The following CCDC171 variants were observed in gnomAD, a reference collection of about 807,000 sequenced individuals.
CCDC171 encodes coiled-coil domain-containing protein 171.
A neutral mutation model predicts 168.2 loss-of-function variants in CCDC171; 177 were observed. The observed-to-expected ratio is 1.05, with a 90% CI of 0.93 to 1.19. The LOEUF is 1.19. CCDC171 is among the 50% of genes most tolerant of loss of function. The pLI, the probability that CCDC171 is intolerant of heterozygous loss-of-function variation, is 0.00. For synonymous variants in CCDC171, 687 were observed against 540.8 expected, an observed-to-expected ratio of 1.27 and a Z score of -3.75; for missense variants, 1,991 against 1,539.0, an observed-to-expected ratio of 1.29 and a Z score of -4.91.
chr9:15,804,711 C>G (rs1203317624), intron 21 of CCDC171, among the ~76,000 whole-genome samples: 1 of 152,036 alleles, frequency 6.6e-6, no homozygotes, highest in Non-Finnish European at 1.5e-5. Context: ...TTGTTTATCT[C>G]TGTCAGTTAT....
chr9:15,683,501 A>C (rs1344880340), intron 10 of CCDC171, among the ~76,000 whole-genome samples: 2 of 152,070 alleles, frequency 1.3e-5, no homozygotes, highest in African/African-American at 4.8e-5. Context: ...TTTCACCAAG[A>C]ATAGGAGTAG....
At chr9:15,609,186 G>A (rs1472248233) in intron 6 of CCDC171, among the ~76,000 whole-genome samples, 2 of 151,140 alleles carry the variant, frequency 1.3e-5, no homozygotes, top group Non-Finnish European at 2.9e-5. Context: ...TGCAACCTCC[G>A]CCTCCCGGGT....
At chr9:15,579,374 A>T (rs905443547) in intron 4 of CCDC171, among the ~76,000 whole-genome samples, 20 of 152,208 alleles carry the variant, frequency 1.3e-4, no homozygotes, top group Non-Finnish European at 2.9e-4. Flanking sequence ...ATATAATATG[A>T]ATCCAAATCT....
chr9:15,963,111 C>T (rs1262736452), intron 25 of CCDC171, among the ~76,000 whole-genome samples: 2 of 151,980 alleles, frequency 1.3e-5, no homozygotes, highest in African/African-American at 4.8e-5. Context: ...TGTTCTCACT[C>T]ATAGGTGGGA....
chr9:15,858,361 A>C (rs1347711881), intron 23 of CCDC171, among the ~76,000 whole-genome samples: 1 of 151,982 alleles, frequency 6.6e-6, no homozygotes, highest in East Asian at 1.9e-4. Context: ...TGAGGCCTCC[A>C]GCTTGGCCCT....
At chr9:15,990,081 C>A (rs1832135737) in intron 3 of CCDC171, among the ~76,000 whole-genome samples, 1 of 152,000 alleles carries the variant, frequency 6.6e-6, no homozygotes, top group Non-Finnish European at 1.5e-5. Flanking sequence ...CAGAGAACAC[C>A]ACAAAGATAC....
chr9:15,753,603 C>T (rs893124285), intron 18 of CCDC171, among the ~76,000 whole-genome samples: 2 of 151,976 alleles, frequency 1.3e-5, no homozygotes, highest in Non-Finnish European at 2.9e-5. Context: ...TAAAGATATG[C>T]ATAGGTAAGA....
rs188689641 is a variant in CCDC171 at position 15,599,939 on chromosome 9, T to C, written c.675+5767T>C. On this transcript the variant is annotated intron_variant, in intron 6 of 25. Coordinates refer to ENST00000380701, the MANE Select transcript of CCDC171 (RefSeq NM_173550.4). ...ATACCCTTTCTTCCAGTTGATCGAA[T>C]CGGCTACTGAAGCTTGTGCATTCGT... Among the ~76,000 whole-genome samples, 7 of 152,346 alleles carry C rather than the reference T, an allele frequency of 4.6e-5. No homozygotes were observed. In the East Asian group the frequency reaches 1.2e-3, roughly 25 times the overall value.
downstream of CCDC171, among the ~76,000 whole-genome samples, chr9:16,062,741 A>G (rs1419814209): frequency 6.6e-6 from 1 of 152,216 alleles, no homozygotes; most frequent in Non-Finnish European, 1.5e-5. Context: ...TGAGAGAGTG[A>G]CATGCACACA....
At chr9:15,720,493 G>A (rs1383867604) in intron 11 of CCDC171, among the ~76,000 whole-genome samples, 1 of 152,086 alleles carries the variant, frequency 6.6e-6, no homozygotes, top group South Asian at 2.1e-4. Context: ...ATAGTAGGAC[G>A]TATAATATGA....
intron 15 of CCDC171, among the ~76,000 whole-genome samples, chr9:15,728,748 A>G (rs192612254): frequency 9.9e-5 from 15 of 152,228 alleles, no homozygotes; most frequent in East Asian, 3.9e-4. Context: ...TCCTGGGTCT[A>G]TTGAACTAGT....
At chr9:15,713,221 C>T (rs560574960) in intron 11 of CCDC171, among the ~76,000 whole-genome samples, 101 of 152,268 alleles carry the variant, frequency 6.6e-4, no homozygotes, top group Non-Finnish European at 1.2e-3. Flanking sequence ...ACTGTTCTCC[C>T]GAGCCAGCCT....
At chr9:15,954,611 T>G (rs1829586543) in intron 25 of CCDC171, among the ~76,000 whole-genome samples, 2 of 152,092 alleles carry the variant, frequency 1.3e-5, no homozygotes, top group African/African-American at 2.4e-5. Flanking sequence ...TCTTCGATCA[T>G]TTTTCTTTCT....
At chr9:15,864,483 C>T (rs1164636969) in intron 23 of CCDC171, among the ~76,000 whole-genome samples, 4 of 152,056 alleles carry the variant, frequency 2.6e-5, no homozygotes, top group African/African-American at 9.6e-5. Flanking sequence ...CACGACAGGC[C>T]CCAGTGTGTG....
chr9:16,089,889 T>C, the CCDC171 span, among the ~76,000 whole-genome samples: 1 of 152,040 alleles, frequency 6.6e-6, no homozygotes, highest in African/African-American at 2.4e-5. Context: ...CCCATGCCAG[T>C]AGGATGGAGA....
chr9:16,083,496 A>C, the CCDC171 span, among the ~76,000 whole-genome samples: 3 of 152,304 alleles, frequency 2.0e-5, no homozygotes, highest in East Asian at 3.9e-4. Flanking sequence ...TTGACATTTA[A>C]ATATATTCCA....
intron 1 of CCDC171, among the ~76,000 whole-genome samples, chr9:15,555,507 G>A (rs2038715661): frequency 6.6e-6 from 1 of 152,072 alleles, no homozygotes; most frequent in African/African-American, 2.4e-5. Context: ...GAGCAGAAAT[G>A]CTTCCCTGAT....
At chr9:16,101,060 G>A in the CCDC171 span, among the ~76,000 whole-genome samples, 1 of 152,354 alleles carries the variant, frequency 6.6e-6, no homozygotes, top group East Asian at 1.9e-4. Context: ...TAGGAGGGAA[G>A]CAGAGAAAGC....
chr9:16,104,741 T>C, the CCDC171 span, among the ~76,000 whole-genome samples: 1 of 151,692 alleles, frequency 6.6e-6, no homozygotes, highest in Non-Finnish European at 1.5e-5. Flanking sequence ...ATTGCTTTTT[T>C]TTTTTCATTC....
Sources: gnomAD v4.1 joint callset for allele counts (sites outside exome capture counted in the v4.1 genomes callset) on GRCh38, gnomAD v4.1.1 for gene constraint, MANE v1.5 for transcripts, NCBI Gene and HGNC (gene_info 2026-07-23, HGNC 2026-07-21) for gene names.